ATP5IF1: variants seen among roughly 807,000 people sequenced by gnomAD.
ATP5IF1 encodes the protein ATP synthase inhibitory factor subunit 1.
Under a neutral mutation model 8.5 loss-of-function variants are expected in ATP5IF1, and 12 were observed. The observed-to-expected ratio is 1.41, with a 90% CI of 0.90 to 2.28. The LOEUF (loss-of-function observed/expected upper bound fraction) is 2.28, where lower values mean the gene tolerates loss of function less well. Among genes scored for constraint, ATP5IF1 ranks in the 30% most tolerant of loss-of-function variants. ATP5IF1 has a pLI of 0.00. For synonymous variants in ATP5IF1, 51 were observed against 53.4 expected, an observed-to-expected ratio of 0.96 and a Z score of 0.19; for missense variants, 154 against 140.2, an observed-to-expected ratio of 1.10 and a Z score of -0.50.
intron 2 of ATP5IF1, chr1:28,237,082 G>A: frequency 2.0e-6 from 2 of 993,538 alleles, no homozygotes; most frequent in Non-Finnish European, 2.4e-6. Context: ...GTATGGAGTG[G>A]GCTGGGCCTC....
intron 2 of ATP5IF1, chr1:28,237,580 C>A (rs938431326): frequency 2.1e-6 from 3 of 1,444,794 alleles, no homozygotes; most frequent in Non-Finnish European, 2.7e-6. Context: ...GTATTAGGGA[C>A]TTGTGTCACA....
rs1202485390 is a variant in ATP5IF1 at position 28,237,400 on chromosome 1, T to G, written c.180-437T>G. The G allele has an allele frequency of 2.8e-6, 3 of 1,082,108 alleles. No individual in the cohort carries two copies. The East Asian group carries it at 2.1e-4, about 75-fold the overall frequency. 67.0% of individuals were successfully genotyped at this position (1,082,108 alleles called of 1,614,324 possible). On this transcript the variant is annotated intron_variant, in intron 2 of 2. Transcript: ENST00000335514. Reference sequence around the variant, plus strand: ...ACTGCGCATGCAAGAGACCCTTTATTGGCCTTACAGTGGGCCATTCATTTC... The same window carrying G: ...ACTGCGCATGCAAGAGACCCTTTATGGGCCTTACAGTGGGCCATTCATTTC...
intron 1 of ATP5IF1, 27 bp downstream of exon 1, chr1:28,236,297 C>G (rs1471989741): frequency 6.2e-7 from 1 of 1,614,196 alleles, no homozygotes; most frequent in African/African-American, 1.3e-5. Flanking sequence ...TCCGCTGCTC[C>G]AGCCCCGCGG....
rs767244362 is a variant in ATP5IF1 at position 28,237,997 on chromosome 1, A to G, written c.*19A>G. 4 of 1,597,628 alleles carry G rather than the reference A, an allele frequency of 2.5e-6. No homozygotes were observed. The highest frequency in any genetic ancestry group is 3.4e-6 in the Non-Finnish European group (4 of 1,173,838). ...TGATTAAGTGCACACCGTGTGCCAT[A>G]GAATGGCACATGTCATTGCCCACTT... On this transcript the variant is annotated 3_prime_UTR_variant, in exon 3 of 3. Coordinates refer to ENST00000335514, the MANE Select transcript of ATP5IF1 (RefSeq NM_016311.5).
Position 28,236,400 on chromosome 1 carries a change from G to T in ATP5IF1, c.127G>T (p.Ala43Ser). 6.2e-7 allele frequency: 1 copy of T among 1,614,248 alleles called. No homozygotes were observed. The highest frequency in any genetic ancestry group is 8.5e-7 in the Non-Finnish European group (1 of 1,180,046). ...VDRGAGSIRE[A>S]GGAFGKREQA... Reference sequence around the variant, plus strand: ...CCGGGGCGCGGGCTCCATCCGGGAAGCCGGTGGGGCCTTCGGAAAGAGAGA... The same window carrying T: ...CCGGGGCGCGGGCTCCATCCGGGAATCCGGTGGGGCCTTCGGAAAGAGAGA... Residue 43 changes from alanine (A) to serine (S), a missense_variant, in exon 2 of 3, where the codon GCC (alanine) becomes TCC (serine). Physicochemically the swap from Ala to Ser is moderately conservative, Grantham distance 99. Coordinates refer to ENST00000335514, the MANE Select transcript of ATP5IF1 (RefSeq NM_016311.5).
Position 28,237,974 on chromosome 1 carries a change from A to G in ATP5IF1, c.317A>G (p.Asp106Gly). The G allele has an allele frequency of 6.2e-7, 1 of 1,609,910 alleles. No individual in the cohort carries two copies. Among genetic ancestry groups the G allele is most frequent in the Non-Finnish European group, 8.5e-7 (1 of 1,179,796 alleles). Residue 106 changes from aspartate to glycine, a missense_variant, in exon 3 of 3, where the codon GAT (aspartate) becomes GGT (glycine). Physicochemically the swap from Asp to Gly is moderately conservative, Grantham distance 94. Coordinates refer to ENST00000335514, the MANE Select transcript of ATP5IF1 (RefSeq NM_016311.5). ...AAGATCAAAATGCTAAAACATGATG[A>G]TTAAGTGCACACCGTGTGCCATAGA... is the stretch of plus-strand genomic sequence containing the variant. ...KQKIKMLKHD[D>G]
In ATP5IF1 at chr1:28,237,409, A is replaced by T. The variant is rs1647048066; in HGVS notation, c.180-428A>T. Reference sequence around the variant, plus strand: ...GCAAGAGACCCTTTATTGGCCTTACAGTGGGCCATTCATTTCTATAGGCAA... The same window carrying T: ...GCAAGAGACCCTTTATTGGCCTTACTGTGGGCCATTCATTTCTATAGGCAA... On this transcript the variant is annotated intron_variant, in intron 2 of 2. Transcript: ENST00000335514. The T allele has an allele frequency of 2.7e-6, 3 of 1,104,356 alleles. No individual in the cohort carries two copies. In the South Asian group the frequency reaches 8.8e-5, roughly 33 times the overall value. 68.4% of individuals were successfully genotyped at this position (1,104,356 alleles called of 1,614,324 possible).
At chr1:28,236,642 A>T in intron 2 of ATP5IF1, 190 bp downstream of exon 2, 1 of 1,499,674 alleles carries the variant, frequency 6.7e-7, no homozygotes, top group Non-Finnish European at 8.9e-7. Context: ...GGGCACTCCC[A>T]GTTACCTGCA....
rs201123839 is a variant in ATP5IF1, at chr1:28,236,372, C to G, written c.99C>G (p.Val33=). The change falls in exon 2 of 3, where the codon GTC becomes GTG. Residue 33 remains valine, a synonymous_variant. Coordinates refer to ENST00000335514, the MANE Select transcript of ATP5IF1 (RefSeq NM_016311.5). ...CTGTCTCTCTGCAGTCCGAGAATGTCGACCGGGGCGCGGGCTCCATCCGGG... is the reference window on the plus strand; with the variant it reads ...CTGTCTCTCTGCAGTCCGAGAATGTGGACCGGGGCGCGGGCTCCATCCGGG... ...RGFGSDQSEN[V]DRGAGSIREA... is the part of the protein sequence containing the mutation. 1 of 1,614,200 alleles carries G rather than the reference C, an allele frequency of 6.2e-7. No homozygotes were observed. The highest frequency in any genetic ancestry group is 8.5e-7 in the Non-Finnish European group (1 of 1,180,038).
At chr1:28,237,580 C>T (rs938431326) in intron 2 of ATP5IF1, 1 of 1,444,676 alleles carries the variant, frequency 6.9e-7, no homozygotes, top group African/African-American at 1.4e-5. Flanking sequence ...GTATTAGGGA[C>T]TTGTGTCACA....
At position 28,236,465 on chromosome 1, in the gene ATP5IF1, G is replaced by A. The variant is rs745490857; in HGVS notation, c.179+13G>A. 1.2e-6 allele frequency: 2 copies of A among 1,614,026 alleles called. No individual in the cohort carries two copies. Among genetic ancestry groups the A allele is most frequent in the African/African-American group, 1.3e-5 (1 of 74,938 alleles). On this transcript the variant is annotated intron_variant, in intron 2 of 2. Transcript: ENST00000335514. ...AACGATATTTCCGGTGAGGCTCACC[G>A]GGTCCCAAGTCCAGCCCTGGATCTC...
At chr1:28,236,743 G>C (rs1026364876) in intron 2 of ATP5IF1, 1 of 1,334,940 alleles carries the variant, frequency 7.5e-7, no homozygotes, top group East Asian at 3.3e-5. Context: ...CATCTCCCGC[G>C]TGGAGTTCTC....
Position 28,236,160 on chromosome 1 carries a change from G to A in ATP5IF1, c.-24G>A, listed in dbSNP as rs190185865. On this transcript the variant is annotated 5_prime_UTR_variant, in exon 1 of 3. Coordinates refer to ENST00000335514, the MANE Select transcript of ATP5IF1 (RefSeq NM_016311.5). ...AGAGACTGCTTGCTGCGGCAGAGACGCCAGAGGTGCAGCTCCAGCAGCAAT... is the reference window on the plus strand; with the variant it reads ...AGAGACTGCTTGCTGCGGCAGAGACACCAGAGGTGCAGCTCCAGCAGCAAT... 4 of 1,610,190 alleles carry A rather than the reference G, an allele frequency of 2.5e-6. No homozygotes were observed. The highest frequency in any genetic ancestry group is 2.5e-6 in the Non-Finnish European group (3 of 1,179,826).
chr1:28,237,240 G>C, intron 2 of ATP5IF1: 4 of 994,370 alleles, frequency 4.0e-6, no homozygotes, highest in Non-Finnish European at 4.8e-6. Flanking sequence ...ACCGTATAGA[G>C]AGCCAAGGTA....
Position 28,237,673 on chromosome 1 carries a change from A to G in ATP5IF1, c.180-164A>G, listed in dbSNP as rs1647050393. 5 of 1,567,316 alleles carry G rather than the reference A, an allele frequency of 3.2e-6. No homozygotes were observed. The South Asian group carries it at 4.7e-5, about 15-fold the overall frequency. The stretch of plus-strand genomic sequence containing the variant: ...TCTTAAGATGGCTACACCTCAATTT[A>G]AGATGGGGTATTCTTTCACTAGTTG... On this transcript the variant is annotated intron_variant, in intron 2 of 2. Coordinates refer to ENST00000335514, the MANE Select transcript of ATP5IF1 (RefSeq NM_016311.5).
chr1:28,236,396 G>A lies in ATP5IF1; in HGVS notation c.123G>A (p.Arg41=), dbSNP rs1256829276. The change falls in exon 2 of 3, where the codon CGG becomes CGA. Residue 41 remains arginine (R), a synonymous_variant. Coordinates refer to ENST00000335514, the MANE Select transcript of ATP5IF1 (RefSeq NM_016311.5). The stretch of plus-strand genomic sequence containing the variant: ...TCGACCGGGGCGCGGGCTCCATCCG[G>A]GAAGCCGGTGGGGCCTTCGGAAAGA... The part of the protein sequence containing the change: ...ENVDRGAGSI[R]EAGGAFGKRE... 1.9e-6 allele frequency: 3 copies of A among 1,614,234 alleles called. No individual in the cohort carries two copies. The African/African-American group carries it at 4.0e-5, about 22-fold the overall frequency.
chr1:28,236,505 A>G (rs751792951), intron 2 of ATP5IF1, 53 bp downstream of exon 2: 6 of 1,613,026 alleles, frequency 3.7e-6, no homozygotes, highest in Middle Eastern at 1.7e-4. Context: ...TGGCCTTCCA[A>G]TCCTTAAACT....
intron 2 of ATP5IF1, 90 bp downstream of exon 2, chr1:28,236,542 G>A: frequency 6.3e-7 from 1 of 1,583,354 alleles, no homozygotes; most frequent in South Asian, 1.1e-5. Context: ...GTTCCTACCT[G>A]GTGCCTTGGG....
Position 28,236,162 on chromosome 1 carries a change from CA to C in ATP5IF1, c.-21del. The C allele has an allele frequency of 1.2e-6, 2 of 1,610,838 alleles. No individual in the cohort carries two copies. Among genetic ancestry groups the C allele is most frequent in the African/African-American group, 2.7e-5 (2 of 75,044 alleles). On this transcript the variant is annotated 5_prime_UTR_variant, in exon 1 of 3. Coordinates refer to ENST00000335514, the MANE Select transcript of ATP5IF1 (RefSeq NM_016311.5). ...AGACTGCTTGCTGCGGCAGAGACGC[CA>C]GAGGTGCAGCTCCAGCAGCAATGGC...
Sources: gnomAD v4.1 joint callset for allele counts on GRCh38, gnomAD v4.1.1 for gene constraint, MANE v1.5 for transcripts, NCBI Gene and HGNC (gene_info 2026-07-23, HGNC 2026-07-21) for gene names.